Variants in ELOVL4 observed in about 807,000 individuals in gnomAD.
ELOVL4 encodes the protein very long chain fatty acid elongase 4.
A neutral mutation model predicts 42.1 loss-of-function variants in ELOVL4; 18 were observed. The ratio of observed to expected loss-of-function variants is 0.43; its 90% CI spans 0.30 to 0.63. ELOVL4 has a LOEUF of 0.63. Among genes scored for constraint, ELOVL4 ranks in the 30% least tolerant of loss-of-function variants. ELOVL4 has a pLI of 0.15. For missense variants in ELOVL4, 299 were observed against 376.2 expected, an observed-to-expected ratio of 0.79 and a Z score of 1.70; for synonymous variants, 117 against 127.0, an observed-to-expected ratio of 0.92 and a Z score of 0.53.
At chr6:79,940,525 G>A (rs1269358948) in intron 1 of ELOVL4, among the ~76,000 whole-genome samples, 5 of 151,958 alleles carry the variant, frequency 3.3e-5, no homozygotes, top group Non-Finnish European at 1.5e-5. Flanking sequence ...TATATAAAGT[G>A]TTTATAATAG....
chr6:79,936,904 G>A (rs907846471), intron 1 of ELOVL4, among the ~76,000 whole-genome samples: 5 of 152,216 alleles, frequency 3.3e-5, no homozygotes, highest in African/African-American at 9.7e-5. Context: ...TTCCTGTATA[G>A]TCAGCATGAT....
intron 4 of ELOVL4, among the ~76,000 whole-genome samples, chr6:79,920,260 A>T (rs1774231457): frequency 6.6e-6 from 1 of 152,198 alleles, no homozygotes; most frequent in South Asian, 2.1e-4. Flanking sequence ...AGCAAGGTGA[A>T]CTATACTATA....
intron 1 of ELOVL4, among the ~76,000 whole-genome samples, chr6:79,931,474 G>A (rs935689328): frequency 2.0e-5 from 3 of 152,012 alleles, no homozygotes; most frequent in Admixed American, 6.6e-5. Flanking sequence ...ATTTCCCATC[G>A]ATTTTTTTCT....
At chr6:79,917,136 T>C (rs750648625) in intron 5 of ELOVL4, among the ~76,000 whole-genome samples, 31 of 152,292 alleles carry the variant, frequency 2.0e-4, no homozygotes, top group Admixed American at 1.2e-3. Flanking sequence ...TCTGCATTTT[T>C]TTTAAGGAGA....
chr6:79,925,161 T>C (rs1774323035), intron 2 of ELOVL4, 129 bp from the exon 3 acceptor site: 1 of 664,498 alleles, frequency 1.5e-6, no homozygotes. Context: ...TTCAAATGCA[T>C]TAAAAATTTC....
intron 4 of ELOVL4, among the ~76,000 whole-genome samples, chr6:79,919,847 G>A (rs879441823): frequency 6.6e-6 from 1 of 152,114 alleles, no homozygotes; most frequent in Non-Finnish European, 1.5e-5. Context: ...TAGGCCCTTA[G>A]AACTGTTGCC....
chr6:79,921,475 A>C (rs1043962289), intron 4 of ELOVL4, 150 bp downstream of exon 4: 245 of 603,896 alleles, frequency 4.1e-4, no homozygotes, highest in Non-Finnish European at 5.0e-4. Context: ...AAAAAAAAAA[A>C]AAAAAAAAAA....
rs780954941 is a variant in ELOVL4 at position 79,947,318 on chromosome 6, A to G, written c.-39T>C. 6.6e-7 allele frequency: 1 copy of G among 1,518,250 alleles called. No individual in the cohort carries two copies. The highest frequency in any genetic ancestry group is 2.3e-5 in the East Asian group (1 of 43,764). 94.0% of individuals were successfully genotyped at this position (1,518,250 alleles called of 1,614,324 possible). On this transcript the variant is annotated 5_prime_UTR_variant, in exon 1 of 6. Transcript: ENST00000369816. The stretch of plus-strand genomic sequence containing the variant: ...GGGCGCTGGCGGCAGGAGAAAGCGG[A>G]GACCCAGAGAGAGGGCTGACCCCGG...
chr6:79,927,273 A>ATTTTCCT (rs1406937116), intron 1 of ELOVL4, among the ~76,000 whole-genome samples: 2 of 152,060 alleles, frequency 1.3e-5, no homozygotes, highest in Non-Finnish European at 2.9e-5. Context: ...ATTAATTTTT[A>ATTTTCCT]TATTTCTAAA....
intron 1 of ELOVL4, among the ~76,000 whole-genome samples, chr6:79,941,612 A>G (rs1397209572): frequency 6.6e-6 from 1 of 152,184 alleles, no homozygotes; most frequent in African/African-American, 2.4e-5. Flanking sequence ...CTGTAATCCC[A>G]GCACTTTGTG....
intron 3 of ELOVL4, among the ~76,000 whole-genome samples, chr6:79,922,129 T>TAACATCTTTTACA (rs1774269592): frequency 6.6e-6 from 1 of 152,196 alleles, no homozygotes; most frequent in Non-Finnish European, 1.5e-5. Flanking sequence ...GTAGAGGAAC[T>TAACATCTTTTACA]AAGATGTTTA....
At chr6:79,936,652 T>C (rs1774549101) in intron 1 of ELOVL4, among the ~76,000 whole-genome samples, 1 of 152,312 alleles carries the variant, frequency 6.6e-6, no homozygotes, top group South Asian at 2.1e-4. Flanking sequence ...TGGAAAGAGC[T>C]TATTTCTAAC....
intron 4 of ELOVL4, among the ~76,000 whole-genome samples, chr6:79,920,034 AAT>A (rs2127698160): frequency 6.6e-6 from 1 of 152,334 alleles, no homozygotes; most frequent in East Asian, 1.9e-4. Context: ...AGTCAAACTC[AAT>A]GACATTCTTT....
intron 5 of ELOVL4, among the ~76,000 whole-genome samples, chr6:79,918,428 T>C (rs766649638): frequency 1.3e-5 from 2 of 152,142 alleles, no homozygotes; most frequent in Non-Finnish European, 2.9e-5. Context: ...CTTAGGTCCA[T>C]TTACTACTTA....
intron 3 of ELOVL4, among the ~76,000 whole-genome samples, chr6:79,923,177 C>CT (rs1352155911): frequency 6.6e-6 from 1 of 152,074 alleles, no homozygotes; most frequent in Non-Finnish European, 1.5e-5. Flanking sequence ...ATAAACTACA[C>CT]CAAAAAGTGA....
chr6:79,937,164 C>T (rs188666598), intron 1 of ELOVL4, among the ~76,000 whole-genome samples: 1 of 152,168 alleles, frequency 6.6e-6, no homozygotes, highest in East Asian at 1.9e-4. Context: ...GGAGCAGGTG[C>T]CCTGAGAGTC....
At chr6:79,938,595 A>G (rs1774588889) in intron 1 of ELOVL4, among the ~76,000 whole-genome samples, 1 of 152,214 alleles carries the variant, frequency 6.6e-6, no homozygotes, top group East Asian at 1.9e-4. Flanking sequence ...GAAGTTAACC[A>G]TCTTCTCAGG....
intron 5 of ELOVL4, 48 bp from the exon 6 acceptor site, chr6:79,916,931 C>T: frequency 6.2e-7 from 1 of 1,608,304 alleles, no homozygotes; most frequent in Non-Finnish European, 8.5e-7. Context: ...GAATAGTAAA[C>T]AACTTTTAAC....
intron 1 of ELOVL4, among the ~76,000 whole-genome samples, chr6:79,928,737 T>TTTTTA (rs1774391843): frequency 1.4e-5 from 2 of 140,036 alleles, no homozygotes; most frequent in African/African-American, 5.6e-5. Context: ...GTTTTTTTTT[T>TTTTTA]TTTTTTTTTT....
Sources: gnomAD v4.1 joint callset for allele counts (sites outside exome capture counted in the v4.1 genomes callset) on GRCh38, gnomAD v4.1.1 for gene constraint, MANE v1.5 for transcripts, NCBI Gene and HGNC (gene_info 2026-07-23, HGNC 2026-07-21) for gene names.